Variants in EMC4 observed in about 807,000 individuals in gnomAD.
EMC4 encodes cell proliferation-inducing gene 17 protein.
Under a neutral mutation model 24.2 loss-of-function variants are expected in EMC4, and 9 were observed. The ratio of observed to expected loss-of-function variants is 0.37; its 90% CI spans 0.22 to 0.65. The LOEUF (loss-of-function observed/expected upper bound fraction) is 0.65, where lower values mean the gene tolerates loss of function less well. EMC4 is among the 30% of genes least tolerant of loss of function. The probability of loss-of-function intolerance (pLI) is 0.59; values close to 1 mark genes in which losing one functional copy is unlikely to be tolerated. For missense variants in EMC4, 169 were observed against 234.6 expected, an observed-to-expected ratio of 0.72 and a Z score of 1.83; for synonymous variants, 86 against 81.1, an observed-to-expected ratio of 1.06 and a Z score of -0.32.
At chr15:34,228,282 G>C in intron 3 of EMC4, 147 bp from the exon 4 acceptor site, 1 of 761,036 alleles carries the variant, frequency 1.3e-6, no homozygotes, top group Non-Finnish European at 2.1e-6. Context: ...GGGGAGTGTA[G>C]TGCTTACCAT....
chr15:34,229,938 TAGA>T lies in EMC4; in HGVS notation c.*153_*155del, dbSNP rs1434316419. 15 of 733,216 alleles carry T rather than the reference TAGA, an allele frequency of 2.0e-5. No homozygotes were observed. The highest frequency in any genetic ancestry group is 3.1e-5 in the Non-Finnish European group (13 of 416,036). 45.4% of individuals were successfully genotyped at this position (733,216 alleles called of 1,614,324 possible). A position where few individuals can be genotyped will look rare whatever the true frequency, so the allele number is the denominator to read the frequency against. On this transcript the variant is annotated 3_prime_UTR_variant, in exon 5 of 5. Transcript: ENST00000267750. ...TTCTCCATGGTGGGGTGACAGGTCC[TAGA>T]AGGACAATGTGCATATTACGACAAA...
intron 2 of EMC4, 190 bp downstream of exon 2, chr15:34,225,840 T>A (rs1198430506): frequency 1.5e-6 from 1 of 656,564 alleles, no homozygotes; most frequent in East Asian, 3.0e-5. Flanking sequence ...AAATAGAAGA[T>A]GTTTGGAACA....
intron 1 of EMC4, 120 bp downstream of exon 1, chr15:34,225,320 G>A: frequency 1.0e-6 from 1 of 952,630 alleles, no homozygotes; most frequent in Non-Finnish European, 1.6e-6. Flanking sequence ...ATCACCTGGG[G>A]AGGTAGCGGC....
At position 34,229,871 on chromosome 15, in the gene EMC4, C is replaced by CTT. The variant is rs1566791786; in HGVS notation, c.*84_*85dup. On this transcript the variant is annotated 3_prime_UTR_variant, in exon 5 of 5. Transcript: ENST00000267750. ...AAGCCCAGTGGCTCCTCAGCATACT[C>CTT]TTAAACTAATCACTTATGTTAAAAA... 1 of 1,264,188 alleles carries CTT rather than the reference C, an allele frequency of 7.9e-7. No homozygotes were observed. The highest frequency in any genetic ancestry group is 1.2e-6 in the Non-Finnish European group (1 of 862,326). The allele number at this position is 1,264,188 out of a possible 1,614,324, so 78.3% of individuals were successfully genotyped here.
intron 3 of EMC4, 190 bp from the exon 4 acceptor site, chr15:34,228,239 T>C (rs1355502514): frequency 3.3e-6 from 2 of 605,224 alleles, no homozygotes; most frequent in Non-Finnish European, 2.9e-6. Context: ...CTAACAGGTA[T>C]ATAGGGGAGT....
At chr15:34,228,050 G>A in intron 3 of EMC4, 1 of 500,314 alleles carries the variant, frequency 2.0e-6, no homozygotes, top group Non-Finnish European at 3.6e-6. Context: ...GGGCGTGGTG[G>A]CACACGCCTG....
intron 2 of EMC4, chr15:34,227,170 CTT>C (rs1218512308): frequency 1.3e-5 from 2 of 152,208 alleles, no homozygotes; most frequent in Non-Finnish European, 2.9e-5. Context: ...TTGTGAATAT[CTT>C]GTTTGAAAAG....
chr15:34,225,340 G>A (rs1330992905), intron 1 of EMC4, 140 bp downstream of exon 1: 2 of 868,872 alleles, frequency 2.3e-6, no homozygotes, highest in East Asian at 2.7e-5. Context: ...CTTTTCTGCC[G>A]TGGAAGTTTC....
At chr15:34,225,868 G>A in intron 2 of EMC4, 1 of 589,114 alleles carries the variant, frequency 1.7e-6, no homozygotes, top group Non-Finnish European at 3.2e-6. Flanking sequence ...TAAGAAAGTA[G>A]GTTGAAAACT....
rs751435616 is a variant in EMC4 at position 34,229,785 on chromosome 15, G to A, written c.549G>A (p.Leu183=). 13 of 1,609,496 alleles carry A rather than the reference G, an allele frequency of 8.1e-6. No homozygotes were observed. The Admixed American group carries it at 2.0e-4, about 25-fold the overall frequency. ...AGTTCAGTGGTGGAGGACTGCTTTT[G>A]TGAACATGAGAAAGCAGCGCCTGGT... ...RMEFSGGGLL[L] is the part of the protein sequence containing the mutation. Residue 183 remains leucine (L), a synonymous_variant, in exon 5 of 5, where the codon TTG becomes TTA. Transcript: ENST00000267750.
intron 3 of EMC4, 53 bp downstream of exon 3, chr15:34,227,899 G>C: frequency 1.3e-6 from 2 of 1,582,514 alleles, no homozygotes; most frequent in Non-Finnish European, 1.7e-6. Context: ...ATTAAAGGCA[G>C]GCCGGGCATG....
rs1371288241 is a variant in EMC4 at position 34,229,886 on chromosome 15, T to TATG, written c.*99_*101dup. 8.5e-7 allele frequency: 1 copy of TATG among 1,174,670 alleles called. No homozygotes were observed. Among genetic ancestry groups the TATG allele is most frequent in the Non-Finnish European group, 1.3e-6 (1 of 785,268 alleles). 72.8% of individuals were successfully genotyped at this position (1,174,670 alleles called of 1,614,324 possible). A position where few individuals can be genotyped will look rare whatever the true frequency, so the allele number is the denominator to read the frequency against. ...TCAGCATACTCTTAAACTAATCACT[T>TATG]ATGTTAAAAAGAACCAAAAGACTCT... On this transcript the variant is annotated 3_prime_UTR_variant, in exon 5 of 5. Transcript: ENST00000267750.
Position 34,225,081 on chromosome 15 carries a change from A to T in EMC4, c.-34A>T. Reference sequence around the variant, plus strand: ...CTGTTGTGGAGTACGCTTTGGACTGAGAAGCATCGAGGCTATAGGACGCAG... The same window carrying T: ...CTGTTGTGGAGTACGCTTTGGACTGTGAAGCATCGAGGCTATAGGACGCAG... On this transcript the variant is annotated 5_prime_UTR_variant, in exon 1 of 5. Coordinates refer to ENST00000267750, the MANE Select transcript of EMC4 (RefSeq NM_016454.4). 6.5e-7 allele frequency: 1 copy of T among 1,528,642 alleles called. No individual in the cohort carries two copies. The highest frequency in any genetic ancestry group is 1.2e-5 in the South Asian group (1 of 83,606). The allele number at this position is 1,528,642 out of a possible 1,614,324, so 94.7% of individuals were successfully genotyped here. A position where few individuals can be genotyped will look rare whatever the true frequency, so the allele number is the denominator to read the frequency against.
chr15:34,229,643 T>A, intron 4 of EMC4, 110 bp from the exon 5 acceptor site: 1 of 717,378 alleles, frequency 1.4e-6, no homozygotes. Flanking sequence ...AGTTCTTTTT[T>A]AAGGATAGGC....
In EMC4 at chr15:34,225,177, A is replaced by C. The variant is rs1325833655; in HGVS notation, c.63A>C (p.Leu21=). Residue 21 remains leucine (L), a synonymous_variant, in exon 1 of 5, where the codon CTA becomes CTC. Coordinates refer to ENST00000267750, the MANE Select transcript of EMC4 (RefSeq NM_016454.4). ...RGRRFKWAIE[L]SGPGGGSRGR... ...GGCGCTTCAAGTGGGCCATTGAGCTAAGCGGGCCTGGAGGAGGCAGCAGGT... is the reference window on the plus strand; with the variant it reads ...GGCGCTTCAAGTGGGCCATTGAGCTCAGCGGGCCTGGAGGAGGCAGCAGGT... The C allele has an allele frequency of 3.9e-6, 6 of 1,551,374 alleles. No homozygotes were observed. Among genetic ancestry groups the C allele is most frequent in the Non-Finnish European group, 5.2e-6 (6 of 1,146,814 alleles).
In EMC4 at chr15:34,228,436, G is replaced by T. The variant is rs931224655; in HGVS notation, c.363G>T (p.Lys121Asn). ...CTTCTGTTACCGCAACAGCTTTCAA[G>T]ATGTTAGAAAGTTCAAGCCAGAAGT... The part of the protein sequence containing the change: ...QALMAISATF[K>N]MLESSSQKFL... The change falls in exon 4 of 5, where the codon AAG becomes AAT. Residue 121 changes from lysine to asparagine, a missense_variant. By Grantham distance (94) the Lys-to-Asn change is moderately conservative (BLOSUM62 0). Transcript: ENST00000267750. 4.3e-6 allele frequency: 7 copies of T among 1,613,010 alleles called. No homozygotes were observed. The highest frequency in any genetic ancestry group is 5.9e-6 in the Non-Finnish European group (7 of 1,179,780).
At chr15:34,228,333 C>T (rs1005677270) in intron 3 of EMC4, 96 bp from the exon 4 acceptor site, 20 of 1,320,280 alleles carry the variant, frequency 1.5e-5, no homozygotes, top group Non-Finnish European at 2.1e-5. Context: ...TGCTGTCTTA[C>T]TATGGGTCTG....
intron 1 of EMC4, 46 bp downstream of exon 1, chr15:34,225,246 G>A: frequency 6.9e-7 from 1 of 1,448,868 alleles, no homozygotes; most frequent in Non-Finnish European, 9.3e-7. Context: ...TCCCAGAACT[G>A]CACCAGAGTA....
rs371911554 is a variant in EMC4, at chr15:34,225,572, G to C, written c.123G>C (p.Ser41=). Reference sequence around the variant, plus strand: ...ACCGGGGCAGTGGCCAGGGAGACTCGCTCTACCCAGTCGGTTACTTGGACA... The same window carrying C: ...ACCGGGGCAGTGGCCAGGGAGACTCCCTCTACCCAGTCGGTTACTTGGACA... ...RSDRGSGQGD[S]LYPVGYLDKQ... Residue 41 remains serine, a synonymous_variant, in exon 2 of 5, where the codon TCG becomes TCC. Coordinates refer to ENST00000267750, the MANE Select transcript of EMC4 (RefSeq NM_016454.4). The C allele has an allele frequency of 5.6e-6, 9 of 1,613,998 alleles. No homozygotes were observed. Among genetic ancestry groups the C allele is most frequent in the Non-Finnish European group, 7.6e-6 (9 of 1,180,006 alleles).
Sources: allele counts gnomAD v4.1 joint callset, GRCh38; gene constraint gnomAD v4.1.1; transcripts MANE v1.5; gene names NCBI Gene and HGNC (gene_info 2026-07-23, HGNC 2026-07-21).